Variants in SLC4A8 observed in about 807,000 individuals in gnomAD.
The protein encoded by SLC4A8 is solute carrier family 4 member 8.
SLC4A8 carries 40 observed loss-of-function variants against 125.0 expected under a neutral mutation model. That is an observed-to-expected ratio of 0.32 (90% CI 0.25 to 0.42). The LOEUF (loss-of-function observed/expected upper bound fraction) is 0.42, where lower values mean the gene tolerates loss of function less well. Among genes scored for constraint, SLC4A8 ranks in the 10% least tolerant of loss-of-function variants. The pLI is 1.00. For synonymous variants in SLC4A8, 456 were observed against 476.0 expected (o/e 0.96, Z 0.55); for missense variants, 863 against 1,355.1 (o/e 0.64, Z 5.70).
rs778088857 is a variant in SLC4A8 at position 51,488,871 on chromosome 12, G to A, written c.2448+11G>A. 6.2e-6 allele frequency: 10 copies of A among 1,607,528 alleles called. No individual in the cohort carries two copies. Among genetic ancestry groups the A allele is most frequent in the Non-Finnish European group, 7.7e-6 (9 of 1,176,122 alleles). On this transcript the variant is annotated intron_variant, in intron 18 of 24. Coordinates refer to ENST00000453097, the MANE Select transcript of SLC4A8 (RefSeq NM_001039960.3). Reference sequence around the variant, plus strand: ...GAACATAAGCTCAAGGTAAAAAGAGGTTCTGACCTAGAAGGCTGCTGTGGC... The same window carrying A: ...GAACATAAGCTCAAGGTAAAAAGAGATTCTGACCTAGAAGGCTGCTGTGGC...
At chr12:51,410,622 T>C (rs758356103) in intron 1 of SLC4A8, among the ~76,000 whole-genome samples, 1 of 152,028 alleles carries the variant, frequency 6.6e-6, no homozygotes, top group Non-Finnish European at 1.5e-5. Context: ...CAGGCCCAGC[T>C]AATTTTTTTA....
intron 19 of SLC4A8, among the ~76,000 whole-genome samples, chr12:51,490,301 A>G (rs934650452): frequency 6.6e-6 from 1 of 152,020 alleles, no homozygotes; most frequent in Admixed American, 6.6e-5. Flanking sequence ...CACACCTGTA[A>G]TCCCAGCACT....
At position 51,425,075 on chromosome 12, in the gene SLC4A8, G is replaced by T. The variant is rs371926299; in HGVS notation, c.48+40G>T. 7.4e-4 allele frequency: 1,146 copies of T among 1,540,566 alleles called. 2 individuals are homozygous for T. The highest frequency in any genetic ancestry group is 9.3e-4 in the Non-Finnish European group (1,063 of 1,142,408). On this transcript the variant is annotated intron_variant, in intron 1 of 24. Transcript: ENST00000453097. ...CCCGCGCCTCCCGCTCCTCCCCGGGGCGCAGCCTCCTCATCCTCTGCCCAC... is the reference window on the plus strand; with the variant it reads ...CCCGCGCCTCCCGCTCCTCCCCGGGTCGCAGCCTCCTCATCCTCTGCCCAC...
chr12:51,503,883 G>A, intron 22 of SLC4A8, 146 bp from the exon 23 acceptor site: 1 of 552,700 alleles, frequency 1.8e-6, no homozygotes, highest in East Asian at 3.1e-5. Context: ...CTCATTTTGT[G>A]GTAACTCAAG....
chr12:51,471,337 C>A lies in SLC4A8; in HGVS notation c.1709C>A (p.Thr570Asn). ...LSLRACIGLW[T>N]AFLCIVLVAT... ...CTGCGAGCTTGTATTGGACTGTGGA[C>A]CGCTTTCCTGTGTATTGTCCTTGTG... The change falls in exon 14 of 25, where the codon ACC (threonine) becomes AAC (asparagine). Residue 570 changes from threonine (T) to asparagine (N), a missense_variant. Transcript: ENST00000453097. The A allele has an allele frequency of 1.9e-6, 3 of 1,613,964 alleles. No homozygotes were observed. Among genetic ancestry groups the A allele is most frequent in the Non-Finnish European group, 2.5e-6 (3 of 1,179,968 alleles).
intron 1 of SLC4A8, among the ~76,000 whole-genome samples, chr12:51,434,302 A>G (rs1010049655): frequency 6.6e-6 from 1 of 152,212 alleles, no homozygotes; most frequent in Admixed American, 6.5e-5. Context: ...AACTGCCAAA[A>G]CACACGAGAT....
At chr12:51,480,076 G>GA (rs1283223528) in intron 16 of SLC4A8, 5 of 368,458 alleles carry the variant, frequency 1.4e-5, no homozygotes, top group Admixed American at 7.5e-5. Flanking sequence ...GAGTAGCTGG[G>GA]ACTACAGGCA....
At chr12:51,464,381 A>G (rs1421214283) in intron 11 of SLC4A8, among the ~76,000 whole-genome samples, 4 of 152,210 alleles carry the variant, frequency 2.6e-5, no homozygotes, top group Admixed American at 1.3e-4. Flanking sequence ...CCCTTAGGGT[A>G]GGAAGATAGG....
At chr12:51,491,955 AT>A (rs1951330459) in intron 19 of SLC4A8, among the ~76,000 whole-genome samples, 1 of 152,226 alleles carries the variant, frequency 6.6e-6, no homozygotes, top group Non-Finnish European at 1.5e-5. Flanking sequence ...TAGAAATCCA[AT>A]TATAGGTGGC....
intron 1 of SLC4A8, among the ~76,000 whole-genome samples, chr12:51,429,627 C>T (rs1949119229): frequency 6.6e-6 from 1 of 152,044 alleles, no homozygotes; most frequent in Admixed American, 6.6e-5. Context: ...TTCAGCCTCC[C>T]TAGTAGCTGG....
At chr12:51,475,313 C>T (rs145388094) in intron 16 of SLC4A8, 107 bp downstream of exon 16, 3 of 1,067,130 alleles carry the variant, frequency 2.8e-6, no homozygotes, top group South Asian at 1.5e-5. Context: ...TGGAGAACTC[C>T]GGATGTCCTG....
chr12:51,399,166 G>T (rs1233277005), intron 1 of SLC4A8, among the ~76,000 whole-genome samples: 3 of 152,194 alleles, frequency 2.0e-5, no homozygotes, highest in African/African-American at 7.2e-5. Flanking sequence ...ATAACTCATT[G>T]GTAGATGAGT....
intron 14 of SLC4A8, among the ~76,000 whole-genome samples, chr12:51,474,025 CA>C (rs373437198): frequency 5.6e-5 from 1 of 17,946 alleles, no homozygotes; most frequent in Non-Finnish European, 1.6e-4. Context: ...CGGGCAAAAA[CA>C]AAAAAACAAA....
intron 22 of SLC4A8, among the ~76,000 whole-genome samples, chr12:51,499,624 T>C (rs898445966): frequency 9.1e-5 from 13 of 143,238 alleles, no homozygotes; most frequent in Non-Finnish European, 9.2e-5. Flanking sequence ...GCTATAATTC[T>C]ACACACACAC....
chr12:51,478,934 C>T (rs1472424042), intron 16 of SLC4A8, among the ~76,000 whole-genome samples: 1 of 24,948 alleles, frequency 4.0e-5, no homozygotes, highest in East Asian at 1.1e-3. Flanking sequence ...CCTCATCTTC[C>T]CTGTGCCTCA....
At chr12:51,417,092 C>T (rs1220625281) in intron 1 of SLC4A8, among the ~76,000 whole-genome samples, 1 of 151,092 alleles carries the variant, frequency 6.6e-6, no homozygotes, top group Non-Finnish European at 1.5e-5. Context: ...AGAGTGAGAC[C>T]CCCTGTCTCA....
intron 16 of SLC4A8, among the ~76,000 whole-genome samples, chr12:51,484,520 A>G: frequency 6.6e-6 from 1 of 152,174 alleles, no homozygotes; most frequent in East Asian, 1.9e-4. Flanking sequence ...GGCAGTGGAT[A>G]CTCAGAGAAT....
At chr12:51,425,470 G>C in intron 1 of SLC4A8, 1 of 983,376 alleles carries the variant, frequency 1.0e-6, no homozygotes, top group Middle Eastern at 5.1e-4. Flanking sequence ...GTTCCTCAGT[G>C]GTTCAGAGGA....
At chr12:51,479,814 A>G (rs2138354624) in intron 16 of SLC4A8, among the ~76,000 whole-genome samples, 1 of 152,236 alleles carries the variant, frequency 6.6e-6, no homozygotes, top group South Asian at 2.1e-4. Flanking sequence ...ATTTAAGATT[A>G]TAGGCTATAT....
Sources: allele counts gnomAD v4.1 joint callset (sites outside exome capture counted in the v4.1 genomes callset), GRCh38; gene constraint gnomAD v4.1.1; transcripts MANE v1.5; gene names NCBI Gene and HGNC (gene_info 2026-07-23, HGNC 2026-07-21).